The following MAP4K3 variants were observed in gnomAD, a reference collection of about 807,000 sequenced individuals.
MAP4K3 encodes the protein MAPK/ERK kinase kinase kinase 3.
In MAP4K3, 94 loss-of-function variants were observed where a neutral mutation model predicts 143.5. The ratio of observed to expected loss-of-function variants is 0.65; its 90% CI spans 0.55 to 0.78. The LOEUF is 0.78. Among genes scored for constraint, MAP4K3 ranks in the 30% least tolerant of loss-of-function variants. The pLI, the probability that MAP4K3 is intolerant of heterozygous loss-of-function variation, is 0.00. For synonymous variants in MAP4K3, 416 were observed against 347.2 expected, an observed-to-expected ratio of 1.20 and a Z score of -2.20; for missense variants, 1,077 against 1,068.1, an observed-to-expected ratio of 1.01 and a Z score of -0.12.
At chr2:39,353,524 T>C (rs1424666863) in intron 3 of MAP4K3, among the ~76,000 whole-genome samples, 3 of 152,218 alleles carry the variant, frequency 2.0e-5, no homozygotes, top group Non-Finnish European at 4.4e-5. Flanking sequence ...TACTTTTGTC[T>C]GTTTTACTTT....
At position 39,371,069 on chromosome 2, in the gene MAP4K3, C is replaced by T. The variant is rs547482692; in HGVS notation, c.154+6997G>A. Among the ~76,000 whole-genome samples, 4 of 152,200 alleles carry T rather than the reference C, an allele frequency of 2.6e-5. No homozygotes were observed. In the South Asian group the frequency reaches 8.3e-4, roughly 32 times the overall value. On this transcript the variant is annotated intron_variant, in intron 2 of 33. Transcript: ENST00000263881. ...AGAATTGGCAGTGTTCTAGCCGGATCAGCCACAGACCACAGGAACAAACCC... is the reference window on the plus strand; with the variant it reads ...AGAATTGGCAGTGTTCTAGCCGGATTAGCCACAGACCACAGGAACAAACCC...
At chr2:39,289,171 G>A (rs528888945) in intron 19 of MAP4K3, among the ~76,000 whole-genome samples, 5 of 152,238 alleles carry the variant, frequency 3.3e-5, no homozygotes, top group Admixed American at 1.3e-4. Flanking sequence ...GTTGGCTGAC[G>A]GTTTGTAGAA....
intron 1 of MAP4K3, among the ~76,000 whole-genome samples, chr2:39,424,467 G>C (rs1037320826): frequency 1.3e-5 from 2 of 152,156 alleles, no homozygotes; most frequent in East Asian, 3.9e-4. Context: ...ACATTGGAAC[G>C]GAGACCCCCG....
In MAP4K3 at chr2:39,288,176, T is replaced by G. The variant is rs769914055; in HGVS notation, c.1419A>C (p.Gln473His). The change falls in exon 20 of 34, where the codon CAA becomes CAC. Residue 473 changes from glutamine (Q) to histidine (H), a missense_variant. Gln to His is a conservative substitution (Grantham distance 24). This residue lies in a region of MAP4K3 where 864 missense variants were observed against 801.2 expected (regional missense o/e 1.08). Transcript: ENST00000263881. Reference protein sequence around the residue: ...PMSGSPAKPSQVPPRPPPPRL... With the variant: ...PMSGSPAKPSHVPPRPPPPRL... ...TGGGAGGTGGTGGTCTAGGTGGAAC[T>G]TGGGATGGCTTTGCTGGGCTCCCTG... 1.1e-5 allele frequency: 17 copies of G among 1,614,060 alleles called. No homozygotes were observed. In the Admixed American group the frequency reaches 2.0e-4, roughly 19 times the overall value.
chr2:39,363,194 A>C (rs1573199967), intron 2 of MAP4K3, among the ~76,000 whole-genome samples: 1 of 152,230 alleles, frequency 6.6e-6, no homozygotes, highest in African/African-American at 2.4e-5. Context: ...AGGCAACAAA[A>C]GCAAAAACAG....
chr2:39,323,999 C>T (rs1257477349), intron 12 of MAP4K3, among the ~76,000 whole-genome samples: 6 of 152,164 alleles, frequency 3.9e-5, no homozygotes, highest in Non-Finnish European at 5.9e-5. Flanking sequence ...CTTATGCAGT[C>T]ATTTTTACAG....
At position 39,382,346 on chromosome 2, in the gene MAP4K3, A is replaced by G. The variant is rs140887972; in HGVS notation, c.97-4223T>C. On this transcript the variant is annotated intron_variant, in intron 1 of 33. Coordinates refer to ENST00000263881, the MANE Select transcript of MAP4K3 (RefSeq NM_003618.4). ...ATCTACTATGTATTGAGCCCCTTGG[A>G]GTACTCAAACCTTACTATGTAGAAG... 1.4e-3 allele frequency among the ~76,000 whole-genome samples: 212 copies of G among 151,962 alleles called. 1 individual carries two copies. Among genetic ancestry groups the G allele is most frequent in the Non-Finnish European group, 1.8e-3 (121 of 68,040 alleles).
chr2:39,324,426 CA>C (rs1274318802), intron 12 of MAP4K3, among the ~76,000 whole-genome samples: 1 of 151,334 alleles, frequency 6.6e-6, no homozygotes, highest in African/African-American at 2.4e-5. Flanking sequence ...AAAAACAAAA[CA>C]AAAAAAACTT....
chr2:39,276,394 A>T (rs1254074654), intron 24 of MAP4K3, among the ~76,000 whole-genome samples: 1 of 152,118 alleles, frequency 6.6e-6, no homozygotes, highest in African/African-American at 2.4e-5. Context: ...CGGTCATTCA[A>T]TTCGGTCAAT....
intron 1 of MAP4K3, among the ~76,000 whole-genome samples, chr2:39,421,195 T>C (rs1012566028): frequency 3.3e-5 from 5 of 152,112 alleles, no homozygotes; most frequent in Admixed American, 1.3e-4. Flanking sequence ...CTTCCCTTAT[T>C]TCTATCACAT....
intron 29 of MAP4K3, 33 bp downstream of exon 29, chr2:39,260,573 A>G: frequency 6.3e-7 from 1 of 1,589,284 alleles, no homozygotes; most frequent in African/African-American, 1.3e-5. Context: ...CAGTATATGT[A>G]TTACCCTTAA....
At chr2:39,305,830 A>AT (rs1227094657) in intron 15 of MAP4K3, among the ~76,000 whole-genome samples, 3,053 of 144,676 alleles carry the variant, frequency 0.021, 33 homozygotes, top group South Asian at 0.036. Context: ...AGTATTTGTA[A>AT]TTTTTTTTTT....
chr2:39,346,002 G>C (rs1050414332), intron 3 of MAP4K3, among the ~76,000 whole-genome samples: 1 of 151,332 alleles, frequency 6.6e-6, no homozygotes, highest in South Asian at 2.1e-4. Flanking sequence ...TTCATAGGTG[G>C]TTCACATAAC....
chr2:39,334,047 G>C (rs1281103205), intron 6 of MAP4K3, among the ~76,000 whole-genome samples: 1 of 151,344 alleles, frequency 6.6e-6, no homozygotes, highest in Non-Finnish European at 1.5e-5. Context: ...AATTGAACCA[G>C]GGTTGGTATG....
chr2:39,422,868 C>T (rs559111893), intron 1 of MAP4K3, among the ~76,000 whole-genome samples: 1 of 152,166 alleles, frequency 6.6e-6, no homozygotes, highest in East Asian at 1.9e-4. Flanking sequence ...CATGGTCTAG[C>T]ATTGAGTTTT....
chr2:39,287,264 T>C (rs949347386), intron 20 of MAP4K3, among the ~76,000 whole-genome samples: 3 of 151,606 alleles, frequency 2.0e-5, no homozygotes, highest in Non-Finnish European at 4.4e-5. Context: ...AAGGGGTGAT[T>C]TATTATTATG....
intron 2 of MAP4K3, among the ~76,000 whole-genome samples, chr2:39,366,516 A>C (rs1665929091): frequency 1.3e-5 from 2 of 152,174 alleles, no homozygotes; most frequent in South Asian, 4.1e-4. Context: ...ATCTGTACTG[A>C]TGTTAATACC....
rs114526071 is a variant in MAP4K3 at position 39,297,832 on chromosome 2, C to T, written c.1178+1911G>A. 8.2e-3 allele frequency among the ~76,000 whole-genome samples: 1,244 copies of T among 152,298 alleles called. 17 individuals carry two copies. Among genetic ancestry groups the T allele is most frequent in the African/African-American group, 0.028 (1,159 of 41,560 alleles). ...AACCTACCTTGCCAAGGGTTCGTTA[C>T]ATAGAATACAGTTCCTTAAGCAGGG... is the stretch of plus-strand genomic sequence containing the variant. On this transcript the variant is annotated intron_variant, in intron 16 of 33. Coordinates refer to ENST00000263881, the MANE Select transcript of MAP4K3 (RefSeq NM_003618.4).
At chr2:39,313,470 C>T (rs552922135) in intron 13 of MAP4K3, among the ~76,000 whole-genome samples, 1 of 151,688 alleles carries the variant, frequency 6.6e-6, no homozygotes, top group African/African-American at 2.4e-5. Context: ...TTCTTTCCTT[C>T]CTTCCTTTCT....
Sources: allele counts gnomAD v4.1 joint callset (sites outside exome capture counted in the v4.1 genomes callset), GRCh38; gene constraint gnomAD v4.1.1; regional missense constraint gnomAD v4.1.1; transcripts MANE v1.5; gene names NCBI Gene and HGNC (gene_info 2026-07-23, HGNC 2026-07-21).